The following NEXMIF variants were observed in gnomAD, a reference collection of about 807,000 sequenced individuals.
NEXMIF encodes neurite extension and migration factor.
In NEXMIF, 8 loss-of-function variants were observed where a neutral mutation model predicts 62.1. That is an observed-to-expected ratio of 0.13 (90% CI 0.08 to 0.23). The LOEUF (loss-of-function observed/expected upper bound fraction) is 0.23. NEXMIF is among the 10% of genes least tolerant of loss of function. The probability of loss-of-function intolerance (pLI) is 1.00; values close to 1 mark genes in which losing one functional copy is unlikely to be tolerated. For synonymous variants in NEXMIF, 404 were observed against 416.6 expected (o/e 0.97, Z 0.37); for missense variants, 976 against 1,113.3 (o/e 0.88, Z 1.75).
intron 1 of NEXMIF, among the ~76,000 whole-genome samples, chrX:74,784,143 T>C (rs1391864841): frequency 8.9e-6 from 1 of 111,812 alleles, no homozygotes; most frequent in Non-Finnish European, 1.9e-5. Context: ...AAATTCACTG[T>C]TGGTATTAGT....
chrX:74,849,565 C>G (rs775788357), intron 1 of NEXMIF, among the ~76,000 whole-genome samples: 65 of 112,445 alleles, frequency 5.8e-4, no homozygotes, highest in Non-Finnish European at 1.0e-3. Flanking sequence ...TTTTGAAAGG[C>G]CAGGCCCCAC....
chrX:74,753,740 G>A (rs886402559), intron 1 of NEXMIF, among the ~76,000 whole-genome samples: 3 of 101,798 alleles, frequency 2.9e-5, no homozygotes, highest in Non-Finnish European at 5.9e-5. Flanking sequence ...CACACACACA[G>A]GACATTCATG....
chrX:74,754,834 T>C (rs1303979794), intron 1 of NEXMIF, among the ~76,000 whole-genome samples: 1 of 111,198 alleles, frequency 9.0e-6, no homozygotes, highest in African/African-American at 3.3e-5. Flanking sequence ...GCATAAATGG[T>C]TCCAAGTAAA....
chrX:74,768,833 C>A (rs747442769), intron 1 of NEXMIF, among the ~76,000 whole-genome samples: 1 of 112,073 alleles, frequency 8.9e-6, no homozygotes, highest in African/African-American at 3.2e-5. Context: ...GAAAACACAG[C>A]AAAGCTAATA....
At chrX:74,779,393 C>T (rs184800845) in intron 1 of NEXMIF, among the ~76,000 whole-genome samples, 1 of 111,795 alleles carries the variant, frequency 8.9e-6, no homozygotes, top group African/African-American at 3.2e-5. Context: ...TCTAATTCAC[C>T]CTGCATGCTG....
chrX:74,919,733 T>A (rs928676830), intron 1 of NEXMIF, among the ~76,000 whole-genome samples: 2 of 110,897 alleles, frequency 1.8e-5, no homozygotes, highest in Non-Finnish European at 3.8e-5. Flanking sequence ...CATTAACTCA[T>A]CATTTAGCAT....
chrX:74,893,104 C>T (rs2080723062), intron 1 of NEXMIF, among the ~76,000 whole-genome samples: 1 of 112,282 alleles, frequency 8.9e-6, no homozygotes. Flanking sequence ...TACATGCCTA[C>T]ACCCTATGAC....
intron 1 of NEXMIF, among the ~76,000 whole-genome samples, chrX:74,875,389 G>C (rs1701180638): frequency 8.9e-6 from 1 of 111,850 alleles, no homozygotes; most frequent in Admixed American, 9.5e-5. Flanking sequence ...TGCTGGATTT[G>C]GTTTGCTGGT....
At chrX:74,915,226 C>T (rs1277777443) in intron 1 of NEXMIF, among the ~76,000 whole-genome samples, 1 of 111,374 alleles carries the variant, frequency 9.0e-6, no homozygotes, top group African/African-American at 3.3e-5. Flanking sequence ...TTCTTGAGTC[C>T]AGGAGTTCAA....
At chrX:74,887,372 A>C (rs2080699365) in intron 1 of NEXMIF, among the ~76,000 whole-genome samples, 1 of 111,300 alleles carries the variant, frequency 9.0e-6, no homozygotes, top group Non-Finnish European at 1.9e-5. Flanking sequence ...CAACCTACAG[A>C]ATGGGAGAAA....
At chrX:74,885,578 C>T (rs1285014592) in intron 1 of NEXMIF, among the ~76,000 whole-genome samples, 8 of 110,895 alleles carry the variant, frequency 7.2e-5, no homozygotes, top group Admixed American at 9.7e-5. Flanking sequence ...ACACATACAC[C>T]CTCCCAAGAC....
chrX:74,809,434 C>G (rs947505159), intron 1 of NEXMIF, among the ~76,000 whole-genome samples: 1 of 111,859 alleles, frequency 8.9e-6, no homozygotes, highest in African/African-American at 3.3e-5. Flanking sequence ...CATAGGAAAT[C>G]TGAACATGAA....
At chrX:74,849,463 C>T (rs2080505500) in intron 1 of NEXMIF, among the ~76,000 whole-genome samples, 1 of 112,083 alleles carries the variant, frequency 8.9e-6, no homozygotes, top group Admixed American at 9.4e-5. Context: ...TAGGGATCTG[C>T]CTGGAGACTG....
chrX:74,894,932 C>T (rs988040511), intron 1 of NEXMIF, among the ~76,000 whole-genome samples: 1 of 112,090 alleles, frequency 8.9e-6, no homozygotes, highest in African/African-American at 3.2e-5. Context: ...AGGATGCCCA[C>T]TGTCATCACT....
intron 1 of NEXMIF, among the ~76,000 whole-genome samples, chrX:74,759,054 G>A (rs1419547042): frequency 3.6e-5 from 4 of 111,668 alleles, no homozygotes; most frequent in East Asian, 2.8e-4. Flanking sequence ...CTACAACTTC[G>A]CCAACATCTG....
At chrX:74,921,551 G>A (rs1009600023) in intron 1 of NEXMIF, among the ~76,000 whole-genome samples, 21 of 111,344 alleles carry the variant, frequency 1.9e-4, no homozygotes, top group East Asian at 5.7e-4. Flanking sequence ...TTATGGGTAC[G>A]TAGTAGGTGT....
intron 1 of NEXMIF, among the ~76,000 whole-genome samples, chrX:74,756,718 A>C (rs1039701861): frequency 8.9e-6 from 1 of 111,823 alleles, no homozygotes; most frequent in Non-Finnish European, 1.9e-5. Flanking sequence ...GGCAGCAAAG[A>C]AGTCCTCAGA....
At chrX:74,795,378 A>G (rs112692296) in intron 1 of NEXMIF, among the ~76,000 whole-genome samples, 270 of 112,606 alleles carry the variant, frequency 2.4e-3, no homozygotes, top group Non-Finnish European at 4.3e-3. Context: ...GGAGCTATTG[A>G]TTCACACAAC....
At position 74,791,568 on chromosome X, in the gene NEXMIF, G is replaced by C. The variant is rs763259628; in HGVS notation, c.-47-45871C>G. Among the ~76,000 whole-genome samples the C allele has an allele frequency of 3.6e-5, 4 of 111,605 alleles. No individual in the cohort carries two copies. The Admixed American group carries it at 3.8e-4, about 11-fold the overall frequency. On this transcript the variant is annotated intron_variant, in intron 1 of 3. Coordinates refer to ENST00000055682, the MANE Select transcript of NEXMIF (RefSeq NM_001008537.3). ...GAAGGAATGGTACCAGCTAATCCTT[G>C]TACCTCTGGTAGAATTCGGCTGTGA... is the stretch of plus-strand genomic sequence containing the variant.
Sources: gnomAD v4.1 joint callset for allele counts (sites outside exome capture counted in the v4.1 genomes callset) on GRCh38, gnomAD v4.1.1 for gene constraint, MANE v1.5 for transcripts, NCBI Gene and HGNC (gene_info 2026-07-23, HGNC 2026-07-21) for gene names.